Variants in SUPT5H observed in about 807,000 individuals in gnomAD.
SUPT5H encodes the protein SPT5 homolog, DSIF elongation factor subunit.
SUPT5H carries 24 observed loss-of-function variants against 142.5 expected under a neutral mutation model. The ratio of observed to expected loss-of-function variants is 0.17; its 90% confidence interval spans 0.12 to 0.24. The LOEUF (loss-of-function observed/expected upper bound fraction) is 0.24. Among genes scored for constraint, SUPT5H ranks in the 10% least tolerant of loss-of-function variants. The pLI, the probability that SUPT5H is intolerant of heterozygous loss-of-function variation, is 1.00. For synonymous variants in SUPT5H, 546 were observed against 553.0 expected (o/e 0.99, Z 0.18); for missense variants, 893 against 1,471.8 (o/e 0.61, Z 6.43).
Position 39,450,515 on chromosome 19 carries a change from A to G in SUPT5H, c.76-2841A>G, listed in dbSNP as rs369887444. On this transcript the variant is annotated intron_variant, in intron 2 of 29. Transcript: ENST00000432763. ...TGAGAGAGTATGGTCCAAGTAGTTG[A>G]GTGCAGCTGAGGCCTAGTGTTGGGG... Among the ~76,000 whole-genome samples, 6 of 152,168 alleles carry G rather than the reference A, an allele frequency of 3.9e-5. No homozygotes were observed. In the East Asian group the frequency reaches 5.8e-4, roughly 15 times the overall value.
At chr19:39,459,117 C>T (rs968834286) in intron 7 of SUPT5H, 44 bp downstream of exon 7, 2 of 1,613,468 alleles carry the variant, frequency 1.2e-6, no homozygotes, top group Middle Eastern at 1.6e-4. Flanking sequence ...AGCAGGTGGT[C>T]CCTAAGCGGG....
chr19:39,468,616 C>T (rs776090752), intron 13 of SUPT5H, 140 bp from the exon 14 acceptor site: 65 of 692,374 alleles, frequency 9.4e-5, no homozygotes, highest in Non-Finnish European at 1.4e-4. Flanking sequence ...GTCACTGCTG[C>T]CAAGAGGGTG....
rs2079305670 is a variant in SUPT5H at position 39,470,590 on chromosome 19, C to T, written c.1677+67C>T. 3 of 1,448,052 alleles carry T rather than the reference C, an allele frequency of 2.1e-6. No individual in the cohort carries two copies. Among genetic ancestry groups the T allele is most frequent in the African/African-American group, 1.5e-5 (1 of 68,858 alleles). 89.7% of individuals were successfully genotyped at this position (1,448,052 alleles called of 1,614,324 possible). On this transcript the variant is annotated intron_variant, in intron 18 of 29. Coordinates refer to ENST00000432763, the MANE Select transcript of SUPT5H (RefSeq NM_001111020.3). The surrounding 1 kb of genome is among the most constrained non-coding windows in gnomAD (Gnocchi z 5.8). ...GGCTTCCTGTCCCTCAACCCCTCATCCTGGGAGGTGGCAGAGCCCCCAGAC... is the reference window on the plus strand; with the variant it reads ...GGCTTCCTGTCCCTCAACCCCTCATTCTGGGAGGTGGCAGAGCCCCCAGAC...
At chr19:39,464,431 C>T (rs1206329545) in intron 10 of SUPT5H, among the ~76,000 whole-genome samples, 2 of 152,148 alleles carry the variant, frequency 1.3e-5, no homozygotes, top group Non-Finnish European at 2.9e-5. Context: ...GCGATCTCAG[C>T]TCACTGCAGC....
Position 39,472,778 on chromosome 19 carries a change from G to T in SUPT5H, c.2036-32G>T. On this transcript the variant is annotated intron_variant, in intron 21 of 29. Transcript: ENST00000432763. The surrounding 1 kb of genome is among the most constrained non-coding windows in gnomAD (Gnocchi z 4.2). ...GTGCCCTTGCTGTGGGCACAGCCGT[G>T]GGGGACCAGTGACATTCTCCCCAAT... 1 of 1,599,236 alleles carries T rather than the reference G, an allele frequency of 6.3e-7. No individual in the cohort carries two copies.
Position 39,458,705 on chromosome 19 carries a change from C to A in SUPT5H, c.320-113C>A. On this transcript the variant is annotated intron_variant, in intron 5 of 29. Transcript: ENST00000432763. The surrounding 1 kb of genome is among the most constrained non-coding windows in gnomAD (Gnocchi z 4.2). ...GGTTGGGATTTCCTCTGTGAGATGTCATCTTCCTGCCCCAGGGCCAAACCC... is the reference window on the plus strand; with the variant it reads ...GGTTGGGATTTCCTCTGTGAGATGTAATCTTCCTGCCCCAGGGCCAAACCC... 1 of 983,364 alleles carries A rather than the reference C, an allele frequency of 1.0e-6. No individual in the cohort carries two copies. The highest frequency in any genetic ancestry group is 1.5e-6 in the Non-Finnish European group (1 of 666,314). The allele number at this position is 983,364 out of a possible 1,614,324, so 60.9% of individuals were successfully genotyped here.
At position 39,470,211 on chromosome 19, in the gene SUPT5H, A is replaced by G; in HGVS notation, c.1467A>G (p.Thr489=). The change falls in exon 17 of 30, where the codon ACA becomes ACG. Residue 489 remains threonine (T), a synonymous_variant. Transcript: ENST00000432763. The surrounding 1 kb of genome is among the most constrained non-coding windows in gnomAD (Gnocchi z 5.8). ...KVIAGRFEGD[T]GLIVRVEENF... is the part of the protein sequence containing the mutation. Reference sequence around the variant, plus strand: ...TTGCTGGCCGATTCGAGGGCGACACAGGCCTCATTGTGCGGGTGGAGGAGA... The same window carrying G: ...TTGCTGGCCGATTCGAGGGCGACACGGGCCTCATTGTGCGGGTGGAGGAGA... 6.2e-7 allele frequency: 1 copy of G among 1,607,246 alleles called. No homozygotes were observed. The highest frequency in any genetic ancestry group is 8.5e-7 in the Non-Finnish European group (1 of 1,175,210).
Position 39,470,771 on chromosome 19 carries a change from G to A in SUPT5H, c.1677+248G>A, listed in dbSNP as rs1219168060. On this transcript the variant is annotated intron_variant, in intron 18 of 29. Coordinates refer to ENST00000432763, the MANE Select transcript of SUPT5H (RefSeq NM_001111020.3). This position sits in a 1 kb window ranked among gnomAD's most constrained non-coding sequence, Gnocchi z 5.8. The stretch of plus-strand genomic sequence containing the variant: ...TTGTTCATAGTGAATGATTCCCTGA[G>A]GTTAGATCTGTACCCTGGTGGCTGT... Among the ~76,000 whole-genome samples the A allele has an allele frequency of 6.6e-6, 1 of 152,168 alleles. No homozygotes were observed. The highest frequency in any genetic ancestry group is 1.5e-5 in the Non-Finnish European group (1 of 68,024).
intron 4 of SUPT5H, 74 bp downstream of exon 4, chr19:39,457,814 C>G: frequency 6.2e-7 from 1 of 1,605,102 alleles, no homozygotes; most frequent in East Asian, 2.2e-5. Flanking sequence ...CCCATTCCCC[C>G]GACCCCCGCA....
rs1277515829 is a variant in SUPT5H, at chr19:39,476,113, T to C, written c.3057T>C (p.Ser1019=). 6.2e-7 allele frequency: 1 copy of C among 1,613,836 alleles called. No homozygotes were observed. The highest frequency in any genetic ancestry group is 1.7e-5 in the Admixed American group (1 of 59,994). The part of the protein sequence containing the change: ...GGMCSVYLKD[S]EKVVSISSEH... ...TGTGCTCTGTGTACCTGAAGGACAGTGAGAAGGTTGTCAGCATTTCCAGTG... is the reference window on the plus strand; with the variant it reads ...TGTGCTCTGTGTACCTGAAGGACAGCGAGAAGGTTGTCAGCATTTCCAGTG... Residue 1019 remains serine (S), a synonymous_variant, in exon 29 of 30, where the codon AGT becomes AGC. Transcript: ENST00000432763.
At chr19:39,468,462 C>T in intron 13 of SUPT5H, 1 of 469,672 alleles carries the variant, frequency 2.1e-6, no homozygotes, top group South Asian at 2.5e-5. Flanking sequence ...ATGTTACATC[C>T]CTGACCTTCT....
Position 39,458,530 on chromosome 19 carries a change from G to A in SUPT5H, c.319+225G>A. 1 of 897,388 alleles carries A rather than the reference G, an allele frequency of 1.1e-6. No homozygotes were observed. Among genetic ancestry groups the A allele is most frequent in the Admixed American group, 2.5e-5 (1 of 39,782 alleles). 55.6% of individuals were successfully genotyped at this position (897,388 alleles called of 1,614,324 possible). ...GTCTGTCTGGGACTGAGCATTTGTG[G>A]GTGGTAGCGATGTGTGGGGTGGGGT... On this transcript the variant is annotated intron_variant, in intron 5 of 29. Transcript: ENST00000432763. The surrounding 1 kb of genome is among the most constrained non-coding windows in gnomAD (Gnocchi z 4.2).
Position 39,472,018 on chromosome 19 carries a change from C to G in SUPT5H, c.1950+288C>G, listed in dbSNP as rs1455063473. The stretch of plus-strand genomic sequence containing the variant: ...ACTCTGCTCTCACAGAGCTGATACT[C>G]TAGAGGTGGACAGACAGATAAACCC... On this transcript the variant is annotated intron_variant, in intron 20 of 29. Coordinates refer to ENST00000432763, the MANE Select transcript of SUPT5H (RefSeq NM_001111020.3). The surrounding 1 kb of genome is among the most constrained non-coding windows in gnomAD (Gnocchi z 4.2). 6.6e-6 allele frequency among the ~76,000 whole-genome samples: 1 copy of G among 152,238 alleles called. No homozygotes were observed. Among genetic ancestry groups the G allele is most frequent in the African/African-American group, 2.4e-5 (1 of 41,454 alleles).
At chr19:39,455,715 T>C (rs2079079314) in intron 3 of SUPT5H, among the ~76,000 whole-genome samples, 2 of 150,032 alleles carry the variant, frequency 1.3e-5, no homozygotes, top group South Asian at 2.2e-4. Flanking sequence ...CTCCACCTTC[T>C]GGTTTCAAGT....
Position 39,470,667 on chromosome 19 carries a change from T to C in SUPT5H, c.1677+144T>C, listed in dbSNP as rs2079306823. The C allele has an allele frequency of 4.3e-6, 4 of 940,814 alleles. No individual in the cohort carries two copies. Among genetic ancestry groups the C allele is most frequent in the Non-Finnish European group, 4.6e-6 (3 of 654,404 alleles). The allele number at this position is 940,814 out of a possible 1,614,324, so 58.3% of individuals were successfully genotyped here. ...TCACTTACATCTGAATGGCTGATAG[T>C]GGGCACATGGCAAGTCATTGATCCC... On this transcript the variant is annotated intron_variant, in intron 18 of 29. Coordinates refer to ENST00000432763, the MANE Select transcript of SUPT5H (RefSeq NM_001111020.3). This position sits in a 1 kb window ranked among gnomAD's most constrained non-coding sequence, Gnocchi z 5.8.
intron 28 of SUPT5H, among the ~76,000 whole-genome samples, chr19:39,475,723 A>C (rs1218044961): frequency 1.1e-4 from 16 of 152,090 alleles, no homozygotes; most frequent in Admixed American, 1.0e-3. Context: ...GACCAAGATG[A>C]GGTCCAGAGC....
At chr19:39,465,590 G>T (rs1200369430) in intron 11 of SUPT5H, among the ~76,000 whole-genome samples, 1 of 152,236 alleles carries the variant, frequency 6.6e-6, no homozygotes, top group Non-Finnish European at 1.5e-5. Flanking sequence ...AGCTGGGGAG[G>T]GGGTTGACGA....
Position 39,466,791 on chromosome 19 carries a change from G to A in SUPT5H, c.1037+46G>A, listed in dbSNP as rs769344878. 2 of 1,591,590 alleles carry A rather than the reference G, an allele frequency of 1.3e-6. No homozygotes were observed. The highest frequency in any genetic ancestry group is 2.2e-5 in the East Asian group (1 of 44,760). ...GCTGGGCTGGGTCCCCAGGGCCGGT[G>A]TGTAGAATGTGCCTTTTGCAGGTTC... is the stretch of plus-strand genomic sequence containing the variant. On this transcript the variant is annotated intron_variant, in intron 13 of 29. Transcript: ENST00000432763. The surrounding 1 kb of genome is among the most constrained non-coding windows in gnomAD (Gnocchi z 4.3).
rs2079288829 is a variant in SUPT5H, at chr19:39,469,477, T to A, written c.1374+79T>A. On this transcript the variant is annotated intron_variant, in intron 16 of 29. Transcript: ENST00000432763. This position sits in a 1 kb window ranked among gnomAD's most constrained non-coding sequence, Gnocchi z 5.1. ...GTATGTGGCTGTCGAGGCGGTGGTG[T>A]GCCTGGTGACACCTGGTTTCCAGGA... The A allele has an allele frequency of 3.1e-6, 5 of 1,593,740 alleles. No individual in the cohort carries two copies. In the African/African-American group the frequency reaches 4.0e-5, roughly 13 times the overall value.
Sources: allele counts gnomAD v4.1 joint callset (sites outside exome capture counted in the v4.1 genomes callset), GRCh38; gene constraint gnomAD v4.1.1; non-coding constraint Gnocchi (gnomAD v3.1); transcripts MANE v1.5; gene names NCBI Gene and HGNC (gene_info 2026-07-23, HGNC 2026-07-21).